Variants in TRIM10 observed in about 807,000 individuals in gnomAD.
The protein encoded by TRIM10 is tripartite motif containing 10, also known as tripartite motif-containing protein 10.
TRIM10 carries 42 observed loss-of-function variants against 40.0 expected under a neutral mutation model. The ratio of observed to expected loss-of-function variants is 1.05; its 90% CI spans 0.82 to 1.36. TRIM10 has a LOEUF of 1.36. Among genes scored for constraint, TRIM10 ranks in the 40% most tolerant of loss-of-function variants. The pLI, the probability that TRIM10 is intolerant of heterozygous loss-of-function variation, is 0.00. For missense variants in TRIM10, 601 were observed against 608.3 expected (o/e 0.99, Z 0.13); for synonymous variants, 260 against 239.5 (o/e 1.09, Z -0.79).
chr6:30,163,006 G>A (rs574281212), upstream of TRIM10, among the ~76,000 whole-genome samples: 1 of 152,008 alleles, frequency 6.6e-6, no homozygotes, highest in Non-Finnish European at 1.5e-5. Flanking sequence ...GAACCCCAAA[G>A]GGGACTGTTG....
At chr6:30,155,248 C>A (rs952475438) in intron 6 of TRIM10, among the ~76,000 whole-genome samples, 5 of 152,078 alleles carry the variant, frequency 3.3e-5, no homozygotes, top group Non-Finnish European at 7.4e-5. Context: ...TTTTTTCCCA[C>A]CCACAGGCCG....
In TRIM10 at chr6:30,160,790, C is replaced by T; in HGVS notation, c.69G>A (p.Leu23=). The T allele has an allele frequency of 6.2e-7, 1 of 1,614,094 alleles. No homozygotes were observed. The highest frequency in any genetic ancestry group is 8.5e-7 in the Non-Finnish European group (1 of 1,180,036). The change falls in exon 1 of 7, where the codon CTG becomes CTA. Residue 23 remains leucine, a synonymous_variant. Coordinates refer to ENST00000449742, the MANE Select transcript of TRIM10 (RefSeq NM_006778.4). ...CGCAGTCGATAGTGACCGGCTCCCT[C>T]AGGGTACCCTGACAGATGGGGCAGT... ...EVNCPICQGT[L]REPVTIDCGH...
chr6:30,162,975 T>TAAAA (rs35476123), upstream of TRIM10, among the ~76,000 whole-genome samples: 13 of 141,742 alleles, frequency 9.2e-5, no homozygotes, highest in African/African-American at 3.5e-4. Context: ...AATAAATAAA[T>TAAAA]AAAATAGTCC....
At chr6:30,158,714 T>A in intron 2 of TRIM10, 85 bp from the exon 3 acceptor site, 1 of 1,079,772 alleles carries the variant, frequency 9.3e-7, no homozygotes, top group Non-Finnish European at 1.4e-6. Context: ...CCCAGGTAGA[T>A]CTGGAACTGT....
At position 30,154,546 on chromosome 6, in the gene TRIM10, C is replaced by G. The variant is rs114908592; in HGVS notation, c.929-60G>C. The G allele has an allele frequency of 3.1e-3, 4,850 of 1,585,096 alleles. 54 individuals carry two copies. The African/African-American group carries it at 0.033, about 11-fold the overall frequency. On this transcript the variant is annotated intron_variant, in intron 6 of 6. Coordinates refer to ENST00000449742, the MANE Select transcript of TRIM10 (RefSeq NM_006778.4). ...GACATGCTATTACCTCCAAGGAAGG[C>G]ATAGAAACTCCCCCTGGGCCCCTCC...
intron 6 of TRIM10, among the ~76,000 whole-genome samples, chr6:30,155,515 G>GACAC (rs3834325): frequency 8.0e-4 from 120 of 150,304 alleles, no homozygotes; most frequent in African/African-American, 2.8e-3. Context: ...CAAACAATGT[G>GACAC]ACACACACAC....
Position 30,160,982 on chromosome 6 carries a change from G to T in TRIM10, c.-124C>A. 1 of 916,214 alleles carries T rather than the reference G, an allele frequency of 1.1e-6. No individual in the cohort carries two copies. The highest frequency in any genetic ancestry group is 1.6e-6 in the Non-Finnish European group (1 of 623,868). 56.8% of individuals were successfully genotyped at this position (916,214 alleles called of 1,614,324 possible). The stretch of plus-strand genomic sequence containing the variant: ...CTGGACACAGGCACATACTAAATAT[G>T]CACCAGCACCCATATCGTCACACAC... On this transcript the variant is annotated 5_prime_UTR_variant, in exon 1 of 7. Transcript: ENST00000449742.
intron 5 of TRIM10, among the ~76,000 whole-genome samples, chr6:30,156,554 T>A (rs909774832): frequency 2.6e-5 from 4 of 152,356 alleles, no homozygotes; most frequent in African/African-American, 9.6e-5. Context: ...AGATAAATAC[T>A]GTTGTTGGCT....
Position 30,154,016 on chromosome 6 carries a change from A to G in TRIM10, c.1399T>C (p.Phe467Leu). The G allele has an allele frequency of 6.2e-7, 1 of 1,609,160 alleles. No homozygotes were observed. The highest frequency in any genetic ancestry group is 1.1e-5 in the South Asian group (1 of 91,014). The change falls in exon 7 of 7, where the codon TTC (phenylalanine) becomes CTC (leucine). Residue 467 changes from phenylalanine to leucine, a missense_variant. By Grantham distance (22) the Phe-to-Leu change is conservative. Transcript: ENST00000449742. Reference sequence around the variant, plus strand: ...GACCCTCGGCCCCAGAGCCCAAAGAAGGGAATGACCTTCCTAGTGAAGGAG... The same window carrying G: ...GACCCTCGGCCCCAGAGCCCAAAGAGGGGAATGACCTTCCTAGTGAAGGAG... Reference protein sequence around the residue: ...TASFTRKVIPFFGLWGRGSSF... With the variant: ...TASFTRKVIPLFGLWGRGSSF...
At position 30,160,719 on chromosome 6, in the gene TRIM10, G is replaced by A. The variant is rs1165232510; in HGVS notation, c.140C>T (p.Pro47Leu). Reference protein sequence around the residue: ...RACLTRYCEIPGPDLEESPTC... With the variant: ...RACLTRYCEILGPDLEESPTC... ...AGGGGACTCCTCCAGGTCTGGGCCT[G>A]GTATCTCACAGTAGCGGGTAAGGCA... Residue 47 changes from proline (P) to leucine (L), a missense_variant, in exon 1 of 7, where the codon CCA becomes CTA. Transcript: ENST00000449742. The A allele has an allele frequency of 1.9e-6, 3 of 1,614,210 alleles. No individual in the cohort carries two copies. Among genetic ancestry groups the A allele is most frequent in the South Asian group, 1.1e-5 (1 of 91,086 alleles).
In TRIM10 at chr6:30,153,580, G is replaced by A; in HGVS notation, c.*389C>T. ...GATTACATGAACTCTAACATTATTGGAAGAAAACAAGATGAAAAGAGGTGA... is the reference window on the plus strand; with the variant it reads ...GATTACATGAACTCTAACATTATTGAAAGAAAACAAGATGAAAAGAGGTGA... On this transcript the variant is annotated 3_prime_UTR_variant, in exon 7 of 7. Transcript: ENST00000449742. 2 of 952,798 alleles carry A rather than the reference G, an allele frequency of 2.1e-6. No individual in the cohort carries two copies. Among genetic ancestry groups the A allele is most frequent in the South Asian group, 3.0e-5 (2 of 66,368 alleles). 59.0% of individuals were successfully genotyped at this position (952,798 alleles called of 1,614,324 possible). A position where few individuals can be genotyped will look rare whatever the true frequency, so the allele number is the denominator to read the frequency against.
upstream of TRIM10, among the ~76,000 whole-genome samples, chr6:30,163,049 G>C (rs1193582485): frequency 6.6e-6 from 1 of 152,216 alleles, no homozygotes; most frequent in East Asian, 1.9e-4. Context: ...GACCGTAGGA[G>C]GGGCCACCAT....
chr6:30,158,712 G>A, intron 2 of TRIM10, 83 bp from the exon 3 acceptor site: 1 of 1,092,278 alleles, frequency 9.2e-7, no homozygotes, highest in Non-Finnish European at 1.4e-6. Flanking sequence ...TCCCCAGGTA[G>A]ATCTGGAACT....
chr6:30,156,838 G>A (rs776675899), intron 5 of TRIM10, 101 bp downstream of exon 5: 3 of 1,022,880 alleles, frequency 2.9e-6, no homozygotes, highest in Non-Finnish European at 4.6e-6. Flanking sequence ...AAGGAATAAG[G>A]CTTGCCAAAG....
chr6:30,157,277 A>G, intron 4 of TRIM10, 92 bp downstream of exon 4: 1 of 1,284,874 alleles, frequency 7.8e-7, no homozygotes, highest in South Asian at 1.3e-5. Context: ...CTTAAGTGAG[A>G]ATGTTATATA....
At position 30,153,654 on chromosome 6, in the gene TRIM10, C is replaced by T. The variant is rs1236139645; in HGVS notation, c.*315G>A. 4 of 1,583,416 alleles carry T rather than the reference C, an allele frequency of 2.5e-6. No individual in the cohort carries two copies. In the African/African-American group the frequency reaches 4.0e-5, roughly 16 times the overall value. On this transcript the variant is annotated 3_prime_UTR_variant, in exon 7 of 7. Transcript: ENST00000449742. The stretch of plus-strand genomic sequence containing the variant: ...ACTGGTTGACAGGCTGGTTCAAGAA[C>T]CCAGGTCTTCTGACTTCAAATCCAG...
intron 3 of TRIM10, 143 bp from the exon 4 acceptor site, chr6:30,157,534 G>A (rs879840892): frequency 1.7e-5 from 14 of 831,644 alleles, no homozygotes; most frequent in Middle Eastern, 7.6e-4. Flanking sequence ...TGCCCAGGCT[G>A]GAATACAGTG....
intron 2 of TRIM10, 48 bp from the exon 3 acceptor site, chr6:30,158,677 T>C: frequency 6.9e-7 from 1 of 1,449,852 alleles, no homozygotes; most frequent in Non-Finnish European, 9.7e-7. Context: ...TTCCTCCTTC[T>C]CCCTCTGCTC....
At position 30,152,796 on chromosome 6, in the gene TRIM10, AT is replaced by A. The variant is rs1204906118; in HGVS notation, c.*1172del. On this transcript the variant is annotated 3_prime_UTR_variant, in exon 7 of 7. Transcript: ENST00000449742. ...TAAAACATGGTCACTCTTCCATCCC[AT>A]TTCTCAGATGTCACTACAGTAGTCT... The A allele has an allele frequency of 6.6e-6, 1 of 152,166 alleles. No homozygotes were observed. Among genetic ancestry groups the A allele is most frequent in the African/African-American group, 2.4e-5 (1 of 41,430 alleles). The allele number at this position is 152,166 out of a possible 1,614,324, so 9.4% of individuals were successfully genotyped here.
Sources: allele counts gnomAD v4.1 joint callset (sites outside exome capture counted in the v4.1 genomes callset), GRCh38; gene constraint gnomAD v4.1.1; transcripts MANE v1.5; gene names NCBI Gene and HGNC (gene_info 2026-07-23, HGNC 2026-07-21).